The following RGS7 variants were observed in gnomAD, a reference collection of about 807,000 sequenced individuals.
RGS7 encodes the protein regulator of G-protein signaling 7.
RGS7 carries 27 observed loss-of-function variants against 81.1 expected under a neutral mutation model. The ratio of observed to expected loss-of-function variants is 0.33; its 90% CI spans 0.25 to 0.46. RGS7 has a LOEUF of 0.46. Among genes scored for constraint, RGS7 ranks in the 20% least tolerant of loss-of-function variants. The pLI, the probability that RGS7 is intolerant of heterozygous loss-of-function variation, is 1.00. For synonymous variants in RGS7, 208 were observed against 207.7 expected (o/e 1.00, Z -0.01); for missense variants, 396 against 607.4 (o/e 0.65, Z 3.66).
At chr1:241,222,440 T>C (rs1237095221) in intron 2 of RGS7, among the ~76,000 whole-genome samples, 2 of 152,180 alleles carry the variant, frequency 1.3e-5, no homozygotes, top group African/African-American at 4.8e-5. Flanking sequence ...AGAACTACTG[T>C]TATACAGGAT....
In RGS7 at chr1:240,936,651, G is replaced by T. The variant is rs1007505201; in HGVS notation, c.282C>A (p.Ile94=). ...LMAAHGYFFP[I]SDHVLTLKDD... ...CCTTGAGTGTGAGGACATGATCTGAGATTGGAAAGAAGTAGCCGTGGGCAG... is the reference window on the plus strand; with the variant it reads ...CCTTGAGTGTGAGGACATGATCTGATATTGGAAAGAAGTAGCCGTGGGCAG... Residue 94 remains isoleucine, a synonymous_variant, in exon 5 of 19, where the codon ATC becomes ATA. Coordinates refer to ENST00000440928, the MANE Select transcript of RGS7 (RefSeq NM_001364886.1). The T allele has an allele frequency of 9.9e-6, 16 of 1,614,124 alleles. No homozygotes were observed. Among genetic ancestry groups the T allele is most frequent in the Non-Finnish European group, 1.4e-5 (16 of 1,179,988 alleles).
intron 2 of RGS7, among the ~76,000 whole-genome samples, chr1:241,309,623 G>A (rs950476034): frequency 1.3e-5 from 2 of 152,132 alleles, no homozygotes; most frequent in African/African-American, 4.8e-5. Flanking sequence ...CCTTTAAGGT[G>A]TTACTAGAAT....
At chr1:241,150,542 T>C (rs1286918979) in intron 2 of RGS7, among the ~76,000 whole-genome samples, 1 of 152,168 alleles carries the variant, frequency 6.6e-6, no homozygotes, top group Non-Finnish European at 1.5e-5. Context: ...TTTGGATAAA[T>C]TGTTCTATAA....
At chr1:241,117,992 G>C (rs2065987317) in intron 2 of RGS7, among the ~76,000 whole-genome samples, 1 of 152,114 alleles carries the variant, frequency 6.6e-6, no homozygotes, top group South Asian at 2.1e-4. Flanking sequence ...TTTTCATCAT[G>C]ACCCAGCACA....
chr1:240,918,613 G>A (rs261850), intron 6 of RGS7, among the ~76,000 whole-genome samples: 150,100 of 152,236 alleles, frequency 0.99, 74,024 homozygotes, highest in Middle Eastern at 1. Context: ...CTAGAAGGAA[G>A]TTGAATGCAT....
intron 3 of RGS7, among the ~76,000 whole-genome samples, chr1:241,006,790 G>C (rs374793850): frequency 2.0e-5 from 3 of 152,164 alleles, no homozygotes; most frequent in South Asian, 2.1e-4. Flanking sequence ...TGCCACGAAA[G>C]ATAGCAAGAC....
intron 4 of RGS7, among the ~76,000 whole-genome samples, chr1:240,975,559 A>C (rs1683944820): frequency 6.6e-6 from 1 of 152,218 alleles, no homozygotes; most frequent in South Asian, 2.1e-4. Context: ...AGATGAGCTT[A>C]GTCAGGATGA....
chr1:240,805,544 T>C (rs1249206500), intron 15 of RGS7, among the ~76,000 whole-genome samples: 1 of 152,200 alleles, frequency 6.6e-6, no homozygotes, highest in Admixed American at 6.5e-5. Flanking sequence ...ACTGAAAATT[T>C]GCCTTAGGAA....
intron 3 of RGS7, among the ~76,000 whole-genome samples, chr1:241,069,863 T>C (rs1401209021): frequency 6.6e-6 from 1 of 152,238 alleles, no homozygotes; most frequent in Non-Finnish European, 1.5e-5. Flanking sequence ...GAAGAATTTA[T>C]ATGTCATGAA....
intron 2 of RGS7, among the ~76,000 whole-genome samples, chr1:241,181,109 T>C (rs1362915277): frequency 6.6e-6 from 1 of 152,186 alleles, no homozygotes; most frequent in Non-Finnish European, 1.5e-5. Flanking sequence ...TGAAACTACC[T>C]CGTATGATTC....
chr1:241,263,596 A>C (rs1267955895), intron 2 of RGS7, among the ~76,000 whole-genome samples: 1 of 152,208 alleles, frequency 6.6e-6, no homozygotes, highest in Non-Finnish European at 1.5e-5. Context: ...TATGCAAAGT[A>C]CTAAGGTTAT....
At chr1:240,808,866 T>G (rs1359392224) in intron 14 of RGS7, among the ~76,000 whole-genome samples, 1 of 136,494 alleles carries the variant, frequency 7.3e-6, no homozygotes. Flanking sequence ...CAGAGAAAGA[T>G]CCCATCTCTC....
At chr1:240,960,217 C>CTTCTTTTTTTTTTTTTTTTTTTTT (rs60911948) in intron 4 of RGS7, among the ~76,000 whole-genome samples, 4 of 8,958 alleles carry the variant, frequency 4.5e-4, no homozygotes, top group African/African-American at 7.5e-4. Flanking sequence ...TCTTCTTCTT[C>CTTCTTTTTTTTTTTTTTTTTTTTT]TTTTTTTTTT....
At chr1:241,276,004 C>T (rs535633514) in intron 2 of RGS7, among the ~76,000 whole-genome samples, 2 of 152,332 alleles carry the variant, frequency 1.3e-5, no homozygotes, top group Admixed American at 1.3e-4. Context: ...GGTTAAATCA[C>T]AGCTGTAAAG....
intron 3 of RGS7, among the ~76,000 whole-genome samples, chr1:241,027,093 C>T (rs1376162006): frequency 6.6e-6 from 1 of 150,960 alleles, no homozygotes; most frequent in Non-Finnish European, 1.5e-5. Flanking sequence ...GTTCCAGATG[C>T]TCAGGAGGCT....
intron 6 of RGS7, among the ~76,000 whole-genome samples, chr1:240,916,814 T>C (rs1363638470): frequency 2.0e-5 from 3 of 152,180 alleles, no homozygotes; most frequent in Non-Finnish European, 4.4e-5. Flanking sequence ...GATGAGATAA[T>C]AAATTTCTAT....
At chr1:240,786,320 T>C (rs755325393) in intron 18 of RGS7, among the ~76,000 whole-genome samples, 7 of 152,342 alleles carry the variant, frequency 4.6e-5, no homozygotes, top group African/African-American at 1.7e-4. Context: ...TGCATGGTAC[T>C]ATGTCATATT....
chr1:240,813,669 G>T lies in RGS7; in HGVS notation c.905C>A (p.Pro302His). 29 of 1,613,980 alleles carry T rather than the reference G, an allele frequency of 1.8e-5. No homozygotes were observed. Among genetic ancestry groups the T allele is most frequent in the Non-Finnish European group, 2.3e-5 (27 of 1,179,864 alleles). Residue 302 changes from proline to histidine, a missense_variant, in exon 13 of 19, where the codon CCT becomes CAT. Coordinates refer to ENST00000440928, the MANE Select transcript of RGS7 (RefSeq NM_001364886.1). ...EYDPFLLPPD[P>H]SNPWLSDDTT... is the part of the protein sequence containing the mutation. Reference sequence around the variant, plus strand: ...GTCATCGGACAGCCATGGGTTAGAAGGGTCAGGTGGCAAAAGAAACGGGTC... The same window carrying T: ...GTCATCGGACAGCCATGGGTTAGAATGGTCAGGTGGCAAAAGAAACGGGTC...
chr1:241,295,836 G>A (rs530996864), intron 2 of RGS7, among the ~76,000 whole-genome samples: 1 of 152,346 alleles, frequency 6.6e-6, no homozygotes, highest in East Asian at 1.9e-4. Flanking sequence ...AGTGACAAAA[G>A]AGAGGACATG....
Sources: gnomAD v4.1 joint callset for allele counts (sites outside exome capture counted in the v4.1 genomes callset) on GRCh38, gnomAD v4.1.1 for gene constraint, MANE v1.5 for transcripts, NCBI Gene and HGNC (gene_info 2026-07-23, HGNC 2026-07-21) for gene names.